The following ACER1 variants were observed in gnomAD, a reference collection of about 807,000 sequenced individuals.
The protein encoded by ACER1 is CTB-180A7.3.
ACER1 carries 28 observed loss-of-function variants against 24.9 expected under a neutral mutation model. The observed-to-expected ratio is 1.13, with a 90% confidence interval of 0.83 to 1.54. ACER1 has a LOEUF of 1.54. Among genes scored for constraint, ACER1 ranks in the 40% most tolerant of loss-of-function variants. The pLI is 0.00. For synonymous variants in ACER1, 132 were observed against 131.4 expected (o/e 1.00, Z -0.03); for missense variants, 352 against 349.3 (o/e 1.01, Z -0.06).
chr19:6,315,550 T>C (rs932414846), intron 1 of ACER1, among the ~76,000 whole-genome samples: 4 of 152,042 alleles, frequency 2.6e-5, no homozygotes, highest in African/African-American at 9.7e-5. Context: ...TGGCTAATTT[T>C]TTGTATTTTT....
chr19:6,311,652 A>G (rs1178589989), intron 3 of ACER1, among the ~76,000 whole-genome samples: 1 of 147,928 alleles, frequency 6.8e-6, no homozygotes, highest in Non-Finnish European at 1.5e-5. Flanking sequence ...GAAGAAGGAG[A>G]AGGAGGAGGA....
chr19:6,318,036 T>C (rs749508326), intron 1 of ACER1, among the ~76,000 whole-genome samples: 1 of 152,008 alleles, frequency 6.6e-6, no homozygotes, highest in Non-Finnish European at 1.5e-5. Flanking sequence ...TTAAAACATG[T>C]TCAGGCTGGG....
In ACER1 at chr19:6,307,616, T is replaced by C. The variant is rs533878285; in HGVS notation, c.489-326A>G. ...CTGGGCAAAATAGCAAGACCCCATC[T>C]CTAAAAAAAAAAAAAAAAGTTAAAA... is the stretch of plus-strand genomic sequence containing the variant. On this transcript the variant is annotated intron_variant, in intron 4 of 5. Coordinates refer to ENST00000301452, the MANE Select transcript of ACER1 (RefSeq NM_133492.3). Among the ~76,000 whole-genome samples the C allele has an allele frequency of 4.9e-5, 7 of 142,070 alleles. No individual in the cohort carries two copies. The East Asian group carries it at 1.2e-3, about 24-fold the overall frequency. The allele number at this position is 142,070 out of a possible 152,430, so 93.2% of individuals were successfully genotyped here.
rs1368022216 is a variant in ACER1, at chr19:6,312,259, G to A, written c.240C>T (p.Leu80=). 3.7e-6 allele frequency: 6 copies of A among 1,614,004 alleles called. No homozygotes were observed. In the Admixed American group the frequency reaches 1.0e-4, roughly 27 times the overall value. ...CGTCCAGCAGCTGGCCCAGGAAGCT[G>A]AGCGTCATGTGGAAATACATGGAGA... ...GLFSMYFHMT[L]SFLGQLLDEI... is the part of the protein sequence containing the mutation. The change falls in exon 3 of 6, where the codon CTC becomes CTT. Residue 80 remains leucine (L), a synonymous_variant. Transcript: ENST00000301452.
At chr19:6,328,706 G>A (rs965203829) in intron 1 of ACER1, among the ~76,000 whole-genome samples, 1 of 151,538 alleles carries the variant, frequency 6.6e-6, no homozygotes, top group Non-Finnish European at 1.5e-5. Flanking sequence ...TCACTCTTTC[G>A]CACAGGCTGG....
chr19:6,358,018 G>A, the ACER1 span, among the ~76,000 whole-genome samples: 4,997 of 152,154 alleles, frequency 0.033, 281 homozygotes, highest in African/African-American at 0.11. Context: ...AGCGTCCGGA[G>A]GAGTGAAGGA....
chr19:6,323,234 C>T (rs1489876976), intron 1 of ACER1, among the ~76,000 whole-genome samples: 3 of 152,090 alleles, frequency 2.0e-5, no homozygotes, highest in South Asian at 2.1e-4. Context: ...TCATGGCTAA[C>T]ACAGTGAAAC....
chr19:6,343,001 T>C, the ACER1 span, among the ~76,000 whole-genome samples: 4 of 152,052 alleles, frequency 2.6e-5, no homozygotes, highest in South Asian at 2.1e-4. Context: ...GGTCTCGAAC[T>C]CCCGACCTCA....
chr19:6,311,631 G>GAGAAGA (rs113299637), intron 3 of ACER1, among the ~76,000 whole-genome samples: 6 of 148,198 alleles, frequency 4.0e-5, no homozygotes, highest in Admixed American at 6.7e-5. Flanking sequence ...GGAGGAGGAG[G>GAGAAGA]AGAAGAAGAA....
the ACER1 span, among the ~76,000 whole-genome samples, chr19:6,352,765 G>C: frequency 6.6e-6 from 1 of 152,218 alleles, no homozygotes; most frequent in Non-Finnish European, 1.5e-5. Flanking sequence ...CAATGTCCAT[G>C]AGCCATTCAT....
chr19:6,344,009 A>G, the ACER1 span: 1 of 152,240 alleles, frequency 6.6e-6, no homozygotes, highest in Non-Finnish European at 1.5e-5. Context: ...CCTGAGTTAA[A>G]GACTTGATAA....
chr19:6,307,051 C>T (rs1263489613), intron 5 of ACER1, 102 bp downstream of exon 5: 14 of 1,546,082 alleles, frequency 9.1e-6, no homozygotes, highest in African/African-American at 2.7e-5. Flanking sequence ...TGGCTCTCCT[C>T]TCTCTGCTTC....
At chr19:6,318,857 A>G (rs1011053792) in intron 1 of ACER1, among the ~76,000 whole-genome samples, 16 of 119,010 alleles carry the variant, frequency 1.3e-4, no homozygotes, top group Admixed American at 5.9e-4. Flanking sequence ...AAAGAAAAAG[A>G]AAAAAAAAAG....
At chr19:6,355,827 G>T in the ACER1 span, among the ~76,000 whole-genome samples, 3 of 146,020 alleles carry the variant, frequency 2.1e-5, no homozygotes, top group Admixed American at 2.0e-4. Flanking sequence ...CCGGCCAGCC[G>T]CTCCATCCGG....
At chr19:6,345,912 G>T in the ACER1 span, among the ~76,000 whole-genome samples, 2 of 150,970 alleles carry the variant, frequency 1.3e-5, no homozygotes, top group African/African-American at 2.4e-5. Context: ...ATTATTATTG[G>T]AAATGGGGTC....
At chr19:6,341,877 C>T in the ACER1 span, among the ~76,000 whole-genome samples, 2 of 152,178 alleles carry the variant, frequency 1.3e-5, no homozygotes, top group South Asian at 4.1e-4. Context: ...AATCTGCCTG[C>T]CTTGGCCTCC....
intron 1 of ACER1, among the ~76,000 whole-genome samples, chr19:6,329,526 A>G (rs1232137581): frequency 6.6e-6 from 1 of 152,080 alleles, no homozygotes; most frequent in Admixed American, 6.6e-5. Flanking sequence ...AATTTCTTTC[A>G]TAATAGGTGT....
chr19:6,352,055 CAAAA>C, the ACER1 span, among the ~76,000 whole-genome samples: 662 of 109,498 alleles, frequency 6.0e-3, 1 homozygote, highest in Middle Eastern at 0.034. Context: ...GACTCCATCT[CAAAA>C]AAAAAAAAAA....
intron 1 of ACER1, among the ~76,000 whole-genome samples, chr19:6,327,953 A>G (rs79269965): frequency 0.14 from 21,752 of 151,342 alleles, 2,993 homozygotes; most frequent in African/African-American, 0.37. Flanking sequence ...GTGCTCATCT[A>G]TAATCCCAGC....
Sources: allele counts gnomAD v4.1 joint callset (sites outside exome capture counted in the v4.1 genomes callset), GRCh38; gene constraint gnomAD v4.1.1; transcripts MANE v1.5; gene names NCBI Gene and HGNC (gene_info 2026-07-23, HGNC 2026-07-21).